The following RBFOX1 variants were observed in gnomAD, a reference collection of about 807,000 sequenced individuals.
RBFOX1 encodes the protein RNA binding fox-1 homolog 1.
In RBFOX1, 8 loss-of-function variants were observed where a neutral mutation model predicts 57.7. The observed-to-expected ratio is 0.14, with a 90% CI of 0.08 to 0.25. The LOEUF is 0.25. Among genes scored for constraint, RBFOX1 ranks in the 10% least tolerant of loss-of-function variants. The pLI is 1.00. For synonymous variants in RBFOX1, 326 were observed against 222.4 expected (o/e 1.47, Z -4.15); for missense variants, 611 against 548.5 (o/e 1.11, Z -1.14).
At chr16:6,735,449 G>A (rs539943559) in intron 3 of RBFOX1, among the ~76,000 whole-genome samples, 1 of 152,288 alleles carries the variant, frequency 6.6e-6, no homozygotes, top group South Asian at 2.1e-4. Context: ...CTTAGTCTCT[G>A]CAGTGCCTGT....
intron 2 of RBFOX1, among the ~76,000 whole-genome samples, chr16:6,495,942 G>A (rs2095757060): frequency 6.6e-6 from 1 of 152,162 alleles, no homozygotes; most frequent in Non-Finnish European, 1.5e-5. Context: ...TTCCTCCAAA[G>A]GCATTTTATA....
chr16:7,429,590 A>G (rs2098658542), intron 4 of RBFOX1, among the ~76,000 whole-genome samples: 1 of 152,208 alleles, frequency 6.6e-6, no homozygotes, highest in African/African-American at 2.4e-5. Context: ...CCTAGAATCT[A>G]GAGGAGGTGA....
chr16:6,192,475 C>G (rs1417736395), intron 1 of RBFOX1, among the ~76,000 whole-genome samples: 1 of 152,066 alleles, frequency 6.6e-6, no homozygotes, highest in African/African-American at 2.4e-5. Context: ...TCCATTTTCC[C>G]CTTCCTTCCT....
chr16:6,587,115 G>A (rs1054681459), intron 2 of RBFOX1, among the ~76,000 whole-genome samples: 2 of 151,926 alleles, frequency 1.3e-5, no homozygotes, highest in South Asian at 2.1e-4. Context: ...TGTACAACAG[G>A]TCTGTTGGAT....
At chr16:7,246,232 A>C (rs1019936406) in intron 4 of RBFOX1, among the ~76,000 whole-genome samples, 1 of 152,178 alleles carries the variant, frequency 6.6e-6, no homozygotes, top group African/African-American at 2.4e-5. Context: ...TTTGGAAGGA[A>C]TCCTTAGCCT....
intron 4 of RBFOX1, among the ~76,000 whole-genome samples, chr16:7,465,634 G>A (rs973404419): frequency 6.6e-6 from 1 of 152,160 alleles, no homozygotes; most frequent in Non-Finnish European, 1.5e-5. Flanking sequence ...TATGCTGTCT[G>A]CTTTTCTAAA....
intron 1 of RBFOX1, among the ~76,000 whole-genome samples, chr16:6,095,349 A>G (rs74004733): frequency 9.2e-4 from 140 of 152,330 alleles, no homozygotes; most frequent in African/African-American, 3.1e-3. Flanking sequence ...CCTTATTTCT[A>G]AGAGTAGGAG....
intron 4 of RBFOX1, among the ~76,000 whole-genome samples, chr16:7,298,642 A>G (rs2141912066): frequency 6.6e-6 from 1 of 152,326 alleles, no homozygotes; most frequent in South Asian, 2.1e-4. Flanking sequence ...TTAGCCCACT[A>G]TCGACTCAAA....
Position 7,518,027 on chromosome 16 carries a change from C to T in RBFOX1, c.28-120C>T, listed in dbSNP as rs377127439. The stretch of plus-strand genomic sequence containing the variant: ...AGATTGGTCCATCTCAGGCTGGTGG[C>T]ACCATGGTGACCCCTAGAAAGTACG... On this transcript the variant is annotated intron_variant, in intron 4 of 15. Transcript: ENST00000550418. 8.7e-6 allele frequency: 11 copies of T among 1,261,782 alleles called. No individual in the cohort carries two copies. The African/African-American group carries it at 9.0e-5, about 10-fold the overall frequency. 78.2% of individuals were successfully genotyped at this position (1,261,782 alleles called of 1,614,324 possible).
chr16:6,494,550 GGTAT>G (rs2095712844), intron 2 of RBFOX1, among the ~76,000 whole-genome samples: 2 of 152,240 alleles, frequency 1.3e-5, no homozygotes, highest in Non-Finnish European at 2.9e-5. Flanking sequence ...AATTTTGCAT[GGTAT>G]ATATATGTAC....
At chr16:6,824,757 CTT>C (rs1165448899) in intron 3 of RBFOX1, among the ~76,000 whole-genome samples, 1 of 151,902 alleles carries the variant, frequency 6.6e-6, no homozygotes, top group African/African-American at 2.4e-5. Flanking sequence ...TCTTTAAAAA[CTT>C]TTCTGGAAGA....
intron 4 of RBFOX1, among the ~76,000 whole-genome samples, chr16:7,091,484 CA>C (rs2060845869): frequency 6.6e-6 from 1 of 151,904 alleles, no homozygotes; most frequent in African/African-American, 2.4e-5. Context: ...AGAGTTATGC[CA>C]GGCGGCAGCA....
intron 4 of RBFOX1, among the ~76,000 whole-genome samples, chr16:7,202,876 G>A (rs1296240485): frequency 6.6e-6 from 1 of 152,188 alleles, no homozygotes; most frequent in Non-Finnish European, 1.5e-5. Flanking sequence ...GTCTGCTGAA[G>A]TACAGCCTCA....
rs560089810 is a variant in RBFOX1 at position 7,553,527 on chromosome 16, A to G, written c.271-26250A>G. Among the ~76,000 whole-genome samples the G allele has an allele frequency of 2.0e-5, 3 of 152,342 alleles. 1 individual carries two copies. The East Asian group carries it at 5.8e-4, about 29-fold the overall frequency. ...AAATGAGTGTCAGACATGCAGGACT[A>G]TCAGGCACTACTGAACATTGCTGAA... On this transcript the variant is annotated intron_variant, in intron 5 of 15. Transcript: ENST00000550418.
intron 5 of RBFOX1, among the ~76,000 whole-genome samples, chr16:7,562,481 C>G (rs536057998): frequency 1.3e-5 from 2 of 152,070 alleles, no homozygotes; most frequent in Non-Finnish European, 2.9e-5. Flanking sequence ...CTTGAAGACA[C>G]GAGACCCTGG....
At chr16:7,033,029 T>C (rs879281983) in intron 3 of RBFOX1, among the ~76,000 whole-genome samples, 2 of 152,156 alleles carry the variant, frequency 1.3e-5, no homozygotes, top group Admixed American at 1.3e-4. Context: ...GAGCACCTAC[T>C]GTGTAGAGAC....
chr16:6,298,981 G>T (rs1461693691), intron 1 of RBFOX1, among the ~76,000 whole-genome samples: 2 of 152,186 alleles, frequency 1.3e-5, no homozygotes, highest in East Asian at 3.9e-4. Context: ...GGATGGAAAA[G>T]AATATCAGGA....
intron 1 of RBFOX1, among the ~76,000 whole-genome samples, chr16:5,344,354 T>C (rs968444052): frequency 6.6e-6 from 1 of 152,188 alleles, no homozygotes; most frequent in Non-Finnish European, 1.5e-5. Flanking sequence ...TAAGTCTCCC[T>C]CTGTTTTGCT....
chr16:5,907,118 G>C (rs1360056924), intron 4 of RBFOX1, among the ~76,000 whole-genome samples: 5 of 152,114 alleles, frequency 3.3e-5, no homozygotes, highest in Non-Finnish European at 7.4e-5. Context: ...GTACGCATTT[G>C]GTGGATGATT....
Sources: gnomAD v4.1 joint callset for allele counts (sites outside exome capture counted in the v4.1 genomes callset) on GRCh38, gnomAD v4.1.1 for gene constraint, MANE v1.5 for transcripts, NCBI Gene and HGNC (gene_info 2026-07-23, HGNC 2026-07-21) for gene names.